CALCR: variants seen among roughly 807,000 people sequenced by gnomAD.
CALCR encodes calcitonin receptor.
A neutral mutation model predicts 59.5 loss-of-function variants in CALCR; 47 were observed. The observed-to-expected ratio is 0.79, with a 90% CI of 0.63 to 1.01. CALCR has a LOEUF of 1.01. Ranked by LOEUF, CALCR falls within the 50% of genes least tolerant of loss-of-function variation. The pLI is 0.00. For synonymous variants in CALCR, 213 were observed against 211.3 expected (o/e 1.01, Z -0.07); for missense variants, 566 against 597.1 (o/e 0.95, Z 0.54).
At chr7:93,429,574 T>C (rs772564651) in intron 13 of CALCR, among the ~76,000 whole-genome samples, 1 of 152,234 alleles carries the variant, frequency 6.6e-6, no homozygotes, top group Non-Finnish European at 1.5e-5. Context: ...TTTGTAATAT[T>C]TGGCCTTTGT....
At chr7:93,514,097 A>G (rs1377292393) in intron 2 of CALCR, among the ~76,000 whole-genome samples, 1 of 152,002 alleles carries the variant, frequency 6.6e-6, no homozygotes, top group Non-Finnish European at 1.5e-5. Context: ...CACTTACTAT[A>G]CTCTGCACAA....
chr7:93,508,464 T>A (rs1266885915), intron 2 of CALCR, among the ~76,000 whole-genome samples: 1 of 152,216 alleles, frequency 6.6e-6, no homozygotes, highest in African/African-American at 2.4e-5. Flanking sequence ...TAGAATTACT[T>A]TTATATGCAG....
chr7:93,474,618 C>T (rs1038224133), intron 5 of CALCR, among the ~76,000 whole-genome samples: 1 of 151,832 alleles, frequency 6.6e-6, no homozygotes, highest in Admixed American at 6.6e-5. Context: ...AATGAATGTA[C>T]TTGCCAAATT....
At chr7:93,571,899 A>G (rs1790013499) in intron 2 of CALCR, among the ~76,000 whole-genome samples, 1 of 152,098 alleles carries the variant, frequency 6.6e-6, no homozygotes, top group Non-Finnish European at 1.5e-5. Flanking sequence ...TGCCAAGGGG[A>G]ATGATGCTAT....
intron 2 of CALCR, among the ~76,000 whole-genome samples, chr7:93,560,532 A>G (rs1789720880): frequency 6.6e-6 from 1 of 152,098 alleles, no homozygotes; most frequent in Non-Finnish European, 1.5e-5. Flanking sequence ...CCTACTTTTC[A>G]GATCATCTGA....
chr7:93,467,932 C>T (rs546124422), intron 7 of CALCR, among the ~76,000 whole-genome samples: 4 of 151,172 alleles, frequency 2.6e-5, no homozygotes, highest in African/African-American at 9.7e-5. Flanking sequence ...TTTACTGAAC[C>T]GTGGTGTGTC....
intron 9 of CALCR, among the ~76,000 whole-genome samples, chr7:93,439,077 A>G (rs1799844971): frequency 6.6e-6 from 1 of 152,156 alleles, no homozygotes. Context: ...ACAGTAGAAT[A>G]TTGTTTGATT....
intron 2 of CALCR, among the ~76,000 whole-genome samples, chr7:93,512,282 G>A (rs1057297902): frequency 3.9e-5 from 6 of 152,078 alleles, no homozygotes; most frequent in Admixed American, 2.0e-4. Flanking sequence ...TGTATGGTAC[G>A]TTGCATCTTC....
At chr7:93,538,461 T>G (rs1302328374) in intron 2 of CALCR, among the ~76,000 whole-genome samples, 4 of 152,060 alleles carry the variant, frequency 2.6e-5, no homozygotes. Context: ...GGAATTATCA[T>G]CTTTTTAATA....
At chr7:93,526,392 G>C (rs1369695894) in intron 2 of CALCR, among the ~76,000 whole-genome samples, 1 of 151,984 alleles carries the variant, frequency 6.6e-6, no homozygotes, top group Non-Finnish European at 1.5e-5. Flanking sequence ...GTATAGCAAA[G>C]AAGGGGGGAA....
intron 2 of CALCR, among the ~76,000 whole-genome samples, chr7:93,494,877 G>C (rs1174730878): frequency 6.6e-6 from 1 of 151,350 alleles, no homozygotes; most frequent in Non-Finnish European, 1.5e-5. Flanking sequence ...ATGGGAGAGA[G>C]AGTTAATGAG....
intron 7 of CALCR, among the ~76,000 whole-genome samples, chr7:93,463,616 G>A (rs1800384130): frequency 6.6e-6 from 1 of 151,968 alleles, no homozygotes; most frequent in Non-Finnish European, 1.5e-5. Flanking sequence ...GGACAAACAG[G>A]CGCTCTTGCC....
At position 93,495,878 on chromosome 7, in the gene CALCR, G is replaced by T. The variant is rs1801190160; in HGVS notation, c.-26-8871C>A. On this transcript the variant is annotated intron_variant, in intron 2 of 13. Transcript: ENST00000426151. ...TGGTGGGACAACCGAATCTATACTG[G>T]TTTGTATCCACAAATGGGCACTTGC... The T allele has an allele frequency of 3.3e-6, 5 of 1,529,370 alleles. No homozygotes were observed. In the East Asian group the frequency reaches 1.2e-4, roughly 38 times the overall value. 94.7% of individuals were successfully genotyped at this position (1,529,370 alleles called of 1,614,324 possible).
At chr7:93,555,157 G>A (rs1789563709) in intron 2 of CALCR, among the ~76,000 whole-genome samples, 1 of 152,040 alleles carries the variant, frequency 6.6e-6, no homozygotes, top group South Asian at 2.1e-4. Context: ...AGCCAGATGA[G>A]AGGGGATGTC....
chr7:93,483,463 A>G (rs1277283196), intron 3 of CALCR, among the ~76,000 whole-genome samples: 1 of 149,640 alleles, frequency 6.7e-6, no homozygotes, highest in Non-Finnish European at 1.5e-5. Context: ...ATAGACAGAC[A>G]GATAGATAGA....
chr7:93,460,595 A>ATATATATATATATATATATATATG (rs1800310231), intron 8 of CALCR, among the ~76,000 whole-genome samples: 10 of 77,798 alleles, frequency 1.3e-4, no homozygotes, highest in East Asian at 3.4e-4. Flanking sequence ...ATATATATGT[A>ATATATATATATATATATATATATG]TATATATATA....
At chr7:93,521,964 T>C (rs1049328625) in intron 2 of CALCR, among the ~76,000 whole-genome samples, 3 of 152,188 alleles carry the variant, frequency 2.0e-5, no homozygotes, top group African/African-American at 4.8e-5. Context: ...TTCTGAATGC[T>C]CTTAACTTCA....
intron 2 of CALCR, among the ~76,000 whole-genome samples, chr7:93,533,779 CT>C (rs950784609): frequency 9.9e-5 from 15 of 151,502 alleles, no homozygotes; most frequent in African/African-American, 3.6e-4. Context: ...GTTTTAGAAG[CT>C]TTTTTTTCTC....
chr7:93,465,869 G>A (rs940318001), intron 7 of CALCR, among the ~76,000 whole-genome samples: 2 of 151,782 alleles, frequency 1.3e-5, no homozygotes, highest in Non-Finnish European at 2.9e-5. Flanking sequence ...CAAGTTTTTA[G>A]TGAAGTATTG....
Sources: gnomAD v4.1 joint callset for allele counts (sites outside exome capture counted in the v4.1 genomes callset) on GRCh38, gnomAD v4.1.1 for gene constraint, MANE v1.5 for transcripts, NCBI Gene and HGNC (gene_info 2026-07-23, HGNC 2026-07-21) for gene names.